MTHFS: variants seen among roughly 807,000 people sequenced by gnomAD.
MTHFS encodes 5-formyltetrahydrofolate cyclo-ligase.
A neutral mutation model predicts 12.7 loss-of-function variants in MTHFS; 7 were observed. The observed-to-expected ratio is 0.55, with a 90% confidence interval of 0.31 to 1.03. The LOEUF is 1.03. MTHFS is among the 50% of genes least tolerant of loss of function. The pLI, the probability that MTHFS is intolerant of heterozygous loss-of-function variation, is 0.05. For missense variants in MTHFS, 252 were observed against 258.1 expected, an observed-to-expected ratio of 0.98 and a Z score of 0.16; for synonymous variants, 100 against 97.1, an observed-to-expected ratio of 1.03 and a Z score of -0.18.
In MTHFS at chr15:79,880,104, C is replaced by G. The variant is rs1176429054; in HGVS notation, c.379+8989G>C. On this transcript the variant is annotated intron_variant, in intron 2 of 2. Coordinates refer to ENST00000258874, the MANE Select transcript of MTHFS (RefSeq NM_006441.4). ...TTTCTTTTTAAGACGGAGTCTCGCT[C>G]TGTCGCCCAGGCTGGAGTGCAGTGG... is the stretch of plus-strand genomic sequence containing the variant. Among the ~76,000 whole-genome samples the G allele has an allele frequency of 3.3e-5, 5 of 152,298 alleles. No individual in the cohort carries two copies. In the South Asian group the frequency reaches 8.3e-4, roughly 25 times the overall value.
intron 2 of MTHFS, among the ~76,000 whole-genome samples, chr15:79,847,050 C>A (rs967539326): frequency 6.6e-6 from 1 of 152,196 alleles, no homozygotes; most frequent in Non-Finnish European, 1.5e-5. Flanking sequence ...GCCCCAAAAG[C>A]AACAGGGACA....
chr15:79,867,158 A>T lies in MTHFS; in HGVS notation c.380-21716T>A, dbSNP rs150165129. 5.2e-3 allele frequency among the ~76,000 whole-genome samples: 797 copies of T among 152,284 alleles called. 2 individuals carry two copies. Among genetic ancestry groups the T allele is most frequent in the Non-Finnish European group, 7.9e-3 (538 of 68,030 alleles). ...AAAAATAGCCTAATACATCTTTTAAACATTCCTATCCAAACTGGTTCAGGT... is the reference window on the plus strand; with the variant it reads ...AAAAATAGCCTAATACATCTTTTAATCATTCCTATCCAAACTGGTTCAGGT... On this transcript the variant is annotated intron_variant, in intron 2 of 2. Transcript: ENST00000258874.
At chr15:79,866,289 C>T (rs1431319615) in intron 2 of MTHFS, among the ~76,000 whole-genome samples, 1 of 152,124 alleles carries the variant, frequency 6.6e-6, no homozygotes, top group Non-Finnish European at 1.5e-5. Flanking sequence ...CCTTGATTTT[C>T]TCTTATGTCT....
In MTHFS at chr15:79,845,946, C is replaced by T. The variant is rs562854420; in HGVS notation, c.380-504G>A. Among the ~76,000 whole-genome samples the T allele has an allele frequency of 4.2e-4, 64 of 152,284 alleles. 1 individual carries two copies. Among genetic ancestry groups the T allele is most frequent in the Admixed American group, 3.7e-3 (57 of 15,300 alleles). ...GCCTACTCCCTCCTCATTTCCCCTCCCATTGGAGAGGCAAGGCCAGGCTGC... is the reference window on the plus strand; with the variant it reads ...GCCTACTCCCTCCTCATTTCCCCTCTCATTGGAGAGGCAAGGCCAGGCTGC... On this transcript the variant is annotated intron_variant, in intron 2 of 2. Transcript: ENST00000258874.
chr15:79,883,533 C>T (rs77892895), intron 2 of MTHFS, among the ~76,000 whole-genome samples: 3,474 of 152,192 alleles, frequency 0.023, 124 homozygotes, highest in African/African-American at 0.079. Context: ...TGCTAATATA[C>T]GTAAAGTGCC....
At chr15:79,896,119 C>A (rs1354161707) in intron 1 of MTHFS, among the ~76,000 whole-genome samples, 1 of 152,186 alleles carries the variant, frequency 6.6e-6, no homozygotes, top group African/African-American at 2.4e-5. Context: ...GTCTGCTAAC[C>A]AACAAACACG....
rs115322458 is a variant in MTHFS, at chr15:79,895,819, T to C, written c.117+1053A>G. 4.5e-3 allele frequency among the ~76,000 whole-genome samples: 685 copies of C among 152,340 alleles called. 1 individual carries two copies. Among genetic ancestry groups the C allele is most frequent in the African/African-American group, 0.015 (614 of 41,568 alleles). On this transcript the variant is annotated intron_variant, in intron 1 of 2. Coordinates refer to ENST00000258874, the MANE Select transcript of MTHFS (RefSeq NM_006441.4). Reference sequence around the variant, plus strand: ...GTGAAGGGTAATTAAGAAAGCCTGATGGTATAACTAATTCCAAGGAACATC... The same window carrying C: ...GTGAAGGGTAATTAAGAAAGCCTGACGGTATAACTAATTCCAAGGAACATC...
At chr15:79,885,326 A>G (rs1266355879) in intron 2 of MTHFS, among the ~76,000 whole-genome samples, 1 of 152,206 alleles carries the variant, frequency 6.6e-6, no homozygotes, top group Non-Finnish European at 1.5e-5. Context: ...TTAATTCCCA[A>G]AAAGCCTCCA....
intron 2 of MTHFS, among the ~76,000 whole-genome samples, chr15:79,860,119 G>A (rs780416815): frequency 2.0e-5 from 3 of 151,940 alleles, no homozygotes; most frequent in East Asian, 1.9e-4. Flanking sequence ...GCCAGGCGTG[G>A]TGGCTCACGC....
At chr15:79,881,666 T>C (rs966231168) in intron 2 of MTHFS, among the ~76,000 whole-genome samples, 4 of 152,124 alleles carry the variant, frequency 2.6e-5, no homozygotes, top group African/African-American at 9.7e-5. Flanking sequence ...AATATGACAA[T>C]GTTCCCATGC....
At chr15:79,855,852 C>G (rs1596063990) in intron 2 of MTHFS, among the ~76,000 whole-genome samples, 1 of 152,174 alleles carries the variant, frequency 6.6e-6, no homozygotes, top group African/African-American at 2.4e-5. Context: ...TGATCTCACT[C>G]TTTTTTATAA....
intron 2 of MTHFS, among the ~76,000 whole-genome samples, chr15:79,869,652 T>C (rs1312490244): frequency 6.6e-6 from 1 of 152,154 alleles, no homozygotes; most frequent in African/African-American, 2.4e-5. Flanking sequence ...CAGGCTAGTC[T>C]TAAATTCCTG....
chr15:79,896,768 C>T lies in MTHFS; in HGVS notation c.117+104G>A, dbSNP rs760082797. The T allele has an allele frequency of 1.3e-5, 19 of 1,456,358 alleles. 1 individual carries two copies. The highest frequency in any genetic ancestry group is 9.1e-7 in the Non-Finnish European group (1 of 1,103,562). The allele number at this position is 1,456,358 out of a possible 1,614,324, so 90.2% of individuals were successfully genotyped here. A position where few individuals can be genotyped will look rare whatever the true frequency, so the allele number is the denominator to read the frequency against. On this transcript the variant is annotated intron_variant, in intron 1 of 2. Transcript: ENST00000258874. ...GCGCGCGCCGGGGGGTGGGGGGGCG[C>T]CTAGCCCAGCGCCAGCACGGACCAT...
At chr15:79,887,912 T>G (rs2034408112) in intron 2 of MTHFS, among the ~76,000 whole-genome samples, 1 of 152,210 alleles carries the variant, frequency 6.6e-6, no homozygotes, top group Admixed American at 6.5e-5. Context: ...ACATAATCCC[T>G]CTACTGTTAC....
intron 2 of MTHFS, among the ~76,000 whole-genome samples, chr15:79,864,563 A>C (rs1220502649): frequency 9.2e-5 from 10 of 108,294 alleles, no homozygotes; most frequent in Non-Finnish European, 1.8e-4. Context: ...AAAAAAAAAA[A>C]AAAAAAAAAA....
At chr15:79,847,081 G>C (rs562441277) in intron 2 of MTHFS, among the ~76,000 whole-genome samples, 3 of 152,348 alleles carry the variant, frequency 2.0e-5, no homozygotes, top group East Asian at 1.9e-4. Flanking sequence ...ACCCCAGCAG[G>C]GGGAGAGCAA....
chr15:79,888,690 G>A (rs1489000573), intron 2 of MTHFS, among the ~76,000 whole-genome samples: 1 of 152,218 alleles, frequency 6.6e-6, no homozygotes, highest in Non-Finnish European at 1.5e-5. Context: ...TTTCTGGCAT[G>A]GCCAGCTGGG....
intron 2 of MTHFS, among the ~76,000 whole-genome samples, chr15:79,883,152 T>C (rs1230974260): frequency 6.6e-6 from 1 of 152,206 alleles, no homozygotes; most frequent in Non-Finnish European, 1.5e-5. Context: ...TACAGTTAGC[T>C]ATGATTACAC....
chr15:79,849,196 C>T (rs1400024662), intron 2 of MTHFS, among the ~76,000 whole-genome samples: 5 of 152,158 alleles, frequency 3.3e-5, no homozygotes, highest in African/African-American at 1.2e-4. Context: ...CTGCTCCCTT[C>T]AACCACGGGG....
Sources: allele counts gnomAD v4.1 joint callset (sites outside exome capture counted in the v4.1 genomes callset), GRCh38; gene constraint gnomAD v4.1.1; transcripts MANE v1.5; gene names NCBI Gene and HGNC (gene_info 2026-07-23, HGNC 2026-07-21).